WFS1: variants seen among roughly 807,000 people sequenced by gnomAD.
The protein encoded by WFS1 is wolframin.
WFS1 carries 90 observed loss-of-function variants against 68.5 expected under a neutral mutation model. That is an observed-to-expected ratio of 1.31 (90% CI 1.11 to 1.56). WFS1 has a LOEUF of 1.56. Among genes scored for constraint, WFS1 ranks in the 40% most tolerant of loss-of-function variants. The pLI, the probability that WFS1 is intolerant of heterozygous loss-of-function variation, is 0.00. For missense variants in WFS1, 1,767 were observed against 1,232.6 expected (o/e 1.43, Z -6.49); for synonymous variants, 860 against 540.7 (o/e 1.59, Z -8.19).
chr4:6,277,511 C>A lies in WFS1; in HGVS notation c.56C>A (p.Pro19Gln), dbSNP rs376335216. 1.3e-6 allele frequency: 2 copies of A among 1,580,900 alleles called. No homozygotes were observed. Among genetic ancestry groups the A allele is most frequent in the East Asian group, 2.3e-5 (1 of 43,346 alleles). Residue 19 changes from proline to glutamine, a missense_variant, in exon 2 of 8, where the codon CCG (proline) becomes CAG (glutamine). Transcript: ENST00000226760. The stretch of plus-strand genomic sequence containing the variant: ...TCCTGCCCACAGCCCCCGCCAGCAC[C>A]GCAGCCCCAGGCGCGTTCCCGACTC... The part of the protein sequence containing the change: ...GPSCPQPPPA[P>Q]QPQARSRLNA...
chr4:6,273,643 C>T (rs1729900950), intron 1 of WFS1, among the ~76,000 whole-genome samples: 1 of 152,226 alleles, frequency 6.6e-6, no homozygotes, highest in Non-Finnish European at 1.5e-5. Context: ...AAGCTGCAGC[C>T]CTGCCCTCAG....
chr4:6,302,779 AGAT>A lies in WFS1; in HGVS notation c.*314_*316del, dbSNP rs1731008774. On this transcript the variant is annotated 3_prime_UTR_variant, in exon 8 of 8. Transcript: ENST00000226760. ...TCCGGTGTCTGGAAAAGCACTTTAC[AGAT>A]GAGATTCCCTCTCCTCCCCCACCTT... 1 of 488,728 alleles carries A rather than the reference AGAT, an allele frequency of 2.0e-6. No homozygotes were observed. Among genetic ancestry groups the A allele is most frequent in the African/African-American group, 1.9e-5 (1 of 51,608 alleles). The allele number at this position is 488,728 out of a possible 1,614,324, so 30.3% of individuals were successfully genotyped here.
At chr4:6,280,436 A>G (rs948465174) in intron 2 of WFS1, among the ~76,000 whole-genome samples, 105 of 152,284 alleles carry the variant, frequency 6.9e-4, no homozygotes, top group African/African-American at 2.4e-3. Context: ...GGCTTGTCAC[A>G]CCTGGTCCCA....
intron 3 of WFS1, 102 bp from the exon 4 acceptor site, chr4:6,288,885 C>T: frequency 6.5e-7 from 1 of 1,528,362 alleles, no homozygotes. Flanking sequence ...CCTTCCTGGC[C>T]TGGGTGACAA....
In WFS1 at chr4:6,301,929, A is replaced by G. The variant is rs574657627; in HGVS notation, c.2134A>G (p.Ile712Val). Residue 712 changes from isoleucine (I) to valine (V), a missense_variant, in exon 8 of 8, where the codon ATC becomes GTC. Physicochemically the swap from Ile to Val is conservative, Grantham distance 29. Transcript: ENST00000226760. ...GRFKYVRVTD[I>V]DNSAESAINM... ...CTTCAAGTACGTCCGCGTGACTGAC[A>G]TCGACAACAGCGCCGAGTCTGCCAT... The G allele has an allele frequency of 1.9e-5, 30 of 1,612,916 alleles. No homozygotes were observed. The Admixed American group carries it at 2.3e-4, about 13-fold the overall frequency.
Position 6,277,502 on chromosome 4 carries a change from C to A in WFS1, c.47C>A (p.Pro16Gln). The A allele has an allele frequency of 6.3e-7, 1 of 1,575,390 alleles. No individual in the cohort carries two copies. Among genetic ancestry groups the A allele is most frequent in the East Asian group, 2.3e-5 (1 of 43,044 alleles). Residue 16 changes from proline to glutamine, a missense_variant, in exon 2 of 8, where the codon CCG becomes CAG. Transcript: ENST00000226760. ...CTGGGCCCCTCCTGCCCACAGCCCC[C>A]GCCAGCACCGCAGCCCCAGGCGCGT... ...APLGPSCPQP[P>Q]PAPQPQARSR...
intron 1 of WFS1, among the ~76,000 whole-genome samples, chr4:6,276,324 G>C (rs142064442): frequency 2.8e-4 from 43 of 152,284 alleles, no homozygotes; most frequent in African/African-American, 9.4e-4. Context: ...TCATTACAGG[G>C]ATGGTGGTGT....
chr4:6,301,069 A>C lies in WFS1; in HGVS notation c.1274A>C (p.Asp425Ala), dbSNP rs776761516. 1.9e-6 allele frequency: 3 copies of C among 1,614,008 alleles called. No individual in the cohort carries two copies. The South Asian group carries it at 3.3e-5, about 18-fold the overall frequency. The change falls in exon 8 of 8, where the codon GAC (aspartate) becomes GCC (alanine). Residue 425 changes from aspartate to alanine, a missense_variant. By Grantham distance (126) the Asp-to-Ala change is moderately radical. Coordinates refer to ENST00000226760, the MANE Select transcript of WFS1 (RefSeq NM_006005.3). The stretch of plus-strand genomic sequence containing the variant: ...TTCTCCTTCCCCATCGCCAGCAAGG[A>C]CTGCATCCCCTGCTCGGAGCTGGCT... ...VIFSFPIASK[D>A]CIPCSELAVI...
chr4:6,279,690 T>C (rs1730099551), intron 2 of WFS1, among the ~76,000 whole-genome samples: 1 of 152,274 alleles, frequency 6.6e-6, no homozygotes, highest in South Asian at 2.1e-4. Context: ...CTGGGGCTCA[T>C]GTAGCGCGGG....
rs34653805 is a variant in WFS1 at position 6,277,502 on chromosome 4, C to G, written c.47C>G (p.Pro16Arg). 3.2e-6 allele frequency: 5 copies of G among 1,575,274 alleles called. No homozygotes were observed. Reference protein sequence around the residue: ...APLGPSCPQPPPAPQPQARSR... With the variant: ...APLGPSCPQPRPAPQPQARSR... ...CTGGGCCCCTCCTGCCCACAGCCCC[C>G]GCCAGCACCGCAGCCCCAGGCGCGT... The change falls in exon 2 of 8, where the codon CCG becomes CGG. Residue 16 changes from proline to arginine, a missense_variant. Pro to Arg is a moderately radical substitution (Grantham distance 103). Coordinates refer to ENST00000226760, the MANE Select transcript of WFS1 (RefSeq NM_006005.3).
chr4:6,285,487 AGCTTGT>A (rs1329633965), intron 2 of WFS1, among the ~76,000 whole-genome samples: 2 of 152,010 alleles, frequency 1.3e-5, no homozygotes, highest in Admixed American at 6.5e-5. Context: ...TGACCACGAG[AGCTTGT>A]GAAGAATCCA....
In WFS1 at chr4:6,300,738, C is replaced by T. The variant is rs752306040; in HGVS notation, c.943C>T (p.Leu315=). The T allele has an allele frequency of 5.6e-6, 9 of 1,614,076 alleles. No individual in the cohort carries two copies. The highest frequency in any genetic ancestry group is 1.7e-5 in the Admixed American group (1 of 60,008). The part of the protein sequence containing the change: ...DMASRAGMHW[L]STIIPTHHIN... The stretch of plus-strand genomic sequence containing the variant: ...GGCCTCCAGGGCAGGCATGCACTGG[C>T]TGTCCACCATCATCCCCACGCACCA... Residue 315 remains leucine, a synonymous_variant, in exon 8 of 8, where the codon CTG becomes TTG. Transcript: ENST00000226760.
intron 1 of WFS1, among the ~76,000 whole-genome samples, chr4:6,274,700 G>C (rs1204530757): frequency 6.6e-6 from 1 of 152,100 alleles, no homozygotes; most frequent in Admixed American, 6.5e-5. Flanking sequence ...GGCTGGGGGA[G>C]GGGGGTAAGA....
At chr4:6,284,242 G>A (rs1477411659) in intron 2 of WFS1, among the ~76,000 whole-genome samples, 4 of 151,996 alleles carry the variant, frequency 2.6e-5, no homozygotes, top group Non-Finnish European at 4.4e-5. Flanking sequence ...GCATGGTGGC[G>A]GCCGCCTGTA....
intron 1 of WFS1, among the ~76,000 whole-genome samples, chr4:6,270,468 G>C (rs1437510952): frequency 3.7e-5 from 1 of 27,156 alleles, no homozygotes; most frequent in East Asian, 0.031. Context: ...AGGTGTTGTG[G>C]GGGGGAAGGG....
intron 7 of WFS1, among the ~76,000 whole-genome samples, chr4:6,298,187 A>G (rs4234731): frequency 0.62 from 94,592 of 151,878 alleles, 30,059 homozygotes; most frequent in East Asian, 0.93. Flanking sequence ...CAAGGCCCCC[A>G]TACGGGGATT....
At chr4:6,299,670 GGTT>G (rs773336062) in intron 7 of WFS1, among the ~76,000 whole-genome samples, 3 of 133,688 alleles carry the variant, frequency 2.2e-5, no homozygotes, top group Non-Finnish European at 3.2e-5. Flanking sequence ...TGTAGGGGTG[GGTT>G]GTTTGCGGGT....
In WFS1 at chr4:6,287,548, G is replaced by GCTGTGTGC. The variant is rs771792258; in HGVS notation, c.315+374_315+381dup. On this transcript the variant is annotated intron_variant, in intron 3 of 7. Coordinates refer to ENST00000226760, the MANE Select transcript of WFS1 (RefSeq NM_006005.3). The surrounding 1 kb of genome is among the most constrained non-coding windows in gnomAD (Gnocchi z 6.4). ...TGACTGGCCTTTCACCTGGCTGTTA[G>GCTGTGTGC]CTGTGTGCACGGGGCCCTCAGAGCG... Among the ~76,000 whole-genome samples the GCTGTGTGC allele has an allele frequency of 7.2e-5, 11 of 152,022 alleles. No individual in the cohort carries two copies. The highest frequency in any genetic ancestry group is 1.6e-4 in the Non-Finnish European group (11 of 67,850).
At chr4:6,285,408 G>C (rs1730286610) in intron 2 of WFS1, among the ~76,000 whole-genome samples, 1 of 151,006 alleles carries the variant, frequency 6.6e-6, no homozygotes, top group African/African-American at 2.4e-5. Context: ...ATCCAGGGAG[G>C]GGGGCTTCCA....
Sources: gnomAD v4.1 joint callset for allele counts (sites outside exome capture counted in the v4.1 genomes callset) on GRCh38, gnomAD v4.1.1 for gene constraint, Gnocchi (gnomAD v3.1) non-coding constraint, MANE v1.5 for transcripts, NCBI Gene and HGNC (gene_info 2026-07-23, HGNC 2026-07-21) for gene names.